LAMA5: variants seen among roughly 807,000 people sequenced by gnomAD.
The protein encoded by LAMA5 is laminin subunit alpha-5.
Under a neutral mutation model 433.4 loss-of-function variants are expected in LAMA5, and 260 were observed. That is an observed-to-expected ratio of 0.60 (90% CI 0.54 to 0.66). The LOEUF is 0.66. LAMA5 is among the 30% of genes least tolerant of loss of function. The pLI is 0.00. For synonymous variants in LAMA5, 2,620 were observed against 2,226.6 expected (o/e 1.18, Z -4.97); for missense variants, 5,378 against 5,258.5 (o/e 1.02, Z -0.70).
In LAMA5 at chr20:62,325,478, G is replaced by A; in HGVS notation, c.5367C>T (p.Ser1789=). 6.2e-7 allele frequency: 1 copy of A among 1,612,940 alleles called. No individual in the cohort carries two copies. The highest frequency in any genetic ancestry group is 2.2e-5 in the East Asian group (1 of 44,872). Residue 1789 remains serine, a synonymous_variant, in exon 41 of 80, where the codon AGC becomes AGT. Coordinates refer to ENST00000252999, the MANE Select transcript of LAMA5 (RefSeq NM_005560.6). ...SREELMMVLA[S]LEQLQIRALF... ...GGGCACGGATCTGCAGCTGCTCCAGGCTGGCCAGCACCATCATGAGCTCCT... is the reference window on the plus strand; with the variant it reads ...GGGCACGGATCTGCAGCTGCTCCAGACTGGCCAGCACCATCATGAGCTCCT...
chr20:62,365,819 G>A (rs1419145253), intron 1 of LAMA5, among the ~76,000 whole-genome samples: 2 of 152,170 alleles, frequency 1.3e-5, no homozygotes, highest in Non-Finnish European at 2.9e-5. Flanking sequence ...CTATCTCAGA[G>A]GACTGTGCTG....
rs746042631 is a variant in LAMA5, at chr20:62,322,687, C to T, written c.6136G>A (p.Val2046Met). Residue 2046 changes from valine (V) to methionine (M), a missense_variant, in exon 46 of 80, where the codon GTG becomes ATG. Coordinates refer to ENST00000252999, the MANE Select transcript of LAMA5 (RefSeq NM_005560.6). ...CAGCGGTCACAGCGCCGCCCAGTCA[C>T]GCCCGCCTTGCACAGGCAGTGCCCG... is the stretch of plus-strand genomic sequence containing the variant. ...HSGHCLCKAG[V>M]TGRRCDRCQE... is the part of the protein sequence containing the mutation. 3.4e-5 allele frequency: 53 copies of T among 1,546,066 alleles called. No homozygotes were observed. The highest frequency in any genetic ancestry group is 2.3e-4 in the Middle Eastern group (1 of 4,384).
chr20:62,338,707 A>G, intron 11 of LAMA5, 99 bp from the exon 12 acceptor site: 1 of 1,194,146 alleles, frequency 8.4e-7, no homozygotes, highest in Middle Eastern at 2.6e-4. Context: ...ATTTTCTTAC[A>G]CTTTTACACA....
At chr20:62,362,067 G>C (rs1986187265) in intron 2 of LAMA5, among the ~76,000 whole-genome samples, 1 of 152,174 alleles carries the variant, frequency 6.6e-6, no homozygotes, top group South Asian at 2.1e-4. Context: ...CTGACGCAGG[G>C]GGCACCACCG....
intron 3 of LAMA5, 137 bp downstream of exon 3, chr20:62,352,997 T>C (rs1047328103): frequency 1.6e-6 from 1 of 637,408 alleles, no homozygotes; most frequent in Non-Finnish European, 2.7e-6. Flanking sequence ...CGGGTCCTCG[T>C]CTGACAGTCA....
chr20:62,365,004 G>A (rs1290067907), intron 1 of LAMA5, among the ~76,000 whole-genome samples: 4 of 152,258 alleles, frequency 2.6e-5, no homozygotes, highest in Admixed American at 6.5e-5. Context: ...CGCCCAATCC[G>A]CGGCCAGGGC....
At chr20:62,357,036 C>T (rs1006494353) in intron 2 of LAMA5, among the ~76,000 whole-genome samples, 5 of 152,214 alleles carry the variant, frequency 3.3e-5, no homozygotes, top group African/African-American at 7.2e-5. Context: ...CTGGGGATGG[C>T]GTGGGGTTGT....
Position 62,346,898 on chromosome 20 carries a change from G to A in LAMA5, c.1072+15C>T. 6.2e-7 allele frequency: 1 copy of A among 1,609,764 alleles called. No homozygotes were observed. The highest frequency in any genetic ancestry group is 8.5e-7 in the Non-Finnish European group (1 of 1,177,034). ...GGTGTGGGCAGGACACACGTGTGTG[G>A]GAGGAGGCACTCACACTGGCACTCG... On this transcript the variant is annotated intron_variant, in intron 7 of 79. Coordinates refer to ENST00000252999, the MANE Select transcript of LAMA5 (RefSeq NM_005560.6).
intron 11 of LAMA5, among the ~76,000 whole-genome samples, chr20:62,341,419 G>A (rs929197875): frequency 3.3e-5 from 5 of 152,188 alleles, no homozygotes; most frequent in Middle Eastern, 3.2e-3. Flanking sequence ...GACAGTCCAG[G>A]CTGGATAACT....
In LAMA5 at chr20:62,311,273, G is replaced by A; in HGVS notation, c.9977C>T (p.Pro3326Leu). The part of the protein sequence containing the change: ...SRRSRQPARH[P>L]ACMLPPHLRT... ...GAGGTGTGGGGGCAGCATGCAGGCA[G>A]GATGCCGGGCGGGCTGACGGCTGCG... Residue 3326 changes from proline to leucine, a missense_variant, in exon 73 of 80, where the codon CCT (proline) becomes CTT (leucine). Coordinates refer to ENST00000252999, the MANE Select transcript of LAMA5 (RefSeq NM_005560.6). The A allele has an allele frequency of 2.5e-6, 4 of 1,600,834 alleles. No individual in the cohort carries two copies. Among genetic ancestry groups the A allele is most frequent in the Non-Finnish European group, 3.4e-6 (4 of 1,175,396 alleles).
At chr20:62,327,081 G>A in intron 38 of LAMA5, 115 bp from the exon 39 acceptor site, 1 of 1,093,714 alleles carries the variant, frequency 9.1e-7, no homozygotes, top group Non-Finnish European at 1.3e-6. Context: ...CTGGATACTT[G>A]CGCTCATTCC....
intron 67 of LAMA5, 39 bp downstream of exon 67, chr20:62,312,593 C>G: frequency 6.2e-7 from 1 of 1,600,190 alleles, no homozygotes; most frequent in Admixed American, 1.7e-5. Flanking sequence ...ACCGCCCCAA[C>G]AGCCTGGCCT....
At chr20:62,345,650 A>T (rs1321458959) in intron 11 of LAMA5, 168 bp downstream of exon 11, 24 of 641,830 alleles carry the variant, frequency 3.7e-5, no homozygotes, top group Non-Finnish European at 5.8e-5. Flanking sequence ...ATGCTGACCT[A>T]TATTTCCGAA....
At chr20:62,332,256 G>T (rs1980606977) in intron 28 of LAMA5, 116 bp downstream of exon 28, 1 of 722,238 alleles carries the variant, frequency 1.4e-6, no homozygotes, top group Admixed American at 2.1e-5. Context: ...CTGGGCATGA[G>T]CGAGTGTGGC....
At chr20:62,346,347 CAT>C in intron 9 of LAMA5, 132 bp from the exon 10 acceptor site, 2 of 1,400,600 alleles carry the variant, frequency 1.4e-6, no homozygotes, top group Non-Finnish European at 1.9e-6. Context: ...CCTGGGGGGA[CAT>C]GAGGGCTGGG....
intron 25 of LAMA5, 61 bp downstream of exon 25, chr20:62,333,314 C>A: frequency 6.3e-7 from 1 of 1,598,946 alleles, no homozygotes; most frequent in Non-Finnish European, 8.5e-7. Context: ...GTGGGGGAAG[C>A]CAGGCACAGT....
rs773019944 is a variant in LAMA5 at position 62,337,739 on chromosome 20, G to A, written c.2027-12C>T. 2 of 1,608,004 alleles carry A rather than the reference G, an allele frequency of 1.2e-6. No individual in the cohort carries two copies. Among genetic ancestry groups the A allele is most frequent in the African/African-American group, 1.3e-5 (1 of 74,900 alleles). Reference sequence around the variant, plus strand: ...AGAGCAGTGGCAGGCTGCAGACAAGGATAGCTGTGGGCACGCAGTGGAGAC... The same window carrying A: ...AGAGCAGTGGCAGGCTGCAGACAAGAATAGCTGTGGGCACGCAGTGGAGAC... On this transcript the variant is annotated splice_polypyrimidine_tract_variant and intron_variant, in intron 15 of 79. Transcript: ENST00000252999.
In LAMA5 at chr20:62,333,607, G is replaced by A; in HGVS notation, c.2978C>T (p.Pro993Leu). ...RGFGEPFVLN[P>L]GTWALRVEAE... ...CTCCACACGCAGGGCCCAGGTGCCA[G>A]GGTTCAGCACAAAGGGCTCTCCGAA... Residue 993 changes from proline (P) to leucine (L), a missense_variant, in exon 24 of 80, where the codon CCT becomes CTT. Coordinates refer to ENST00000252999, the MANE Select transcript of LAMA5 (RefSeq NM_005560.6). 6.3e-7 allele frequency: 1 copy of A among 1,575,198 alleles called. No individual in the cohort carries two copies. Among genetic ancestry groups the A allele is most frequent in the Non-Finnish European group, 8.6e-7 (1 of 1,160,858 alleles).
rs1362558205 is a variant in LAMA5, at chr20:62,314,284, C to T, written c.8504+20G>A. ...GGCCCTGCAGTTGGAGGCATCCGGC[C>T]TCTCTCCTGGGCCTCCCACCTGTCC... is the stretch of plus-strand genomic sequence containing the variant. On this transcript the variant is annotated intron_variant, in intron 62 of 79. Coordinates refer to ENST00000252999, the MANE Select transcript of LAMA5 (RefSeq NM_005560.6). The T allele has an allele frequency of 1.2e-6, 2 of 1,610,278 alleles. No individual in the cohort carries two copies. Among genetic ancestry groups the T allele is most frequent in the East Asian group, 2.2e-5 (1 of 44,782 alleles).
Sources: allele counts gnomAD v4.1 joint callset (sites outside exome capture counted in the v4.1 genomes callset), GRCh38; gene constraint gnomAD v4.1.1; transcripts MANE v1.5; gene names NCBI Gene and HGNC (gene_info 2026-07-23, HGNC 2026-07-21).